The following SPTBN2 variants were observed in gnomAD, a reference collection of about 807,000 sequenced individuals.
SPTBN2 encodes the protein spectrin beta chain, non-erythrocytic 2.
SPTBN2 carries 107 observed loss-of-function variants against 284.2 expected under a neutral mutation model. The observed-to-expected ratio is 0.38, with a 90% confidence interval of 0.32 to 0.44. The LOEUF is 0.44. SPTBN2 is among the 20% of genes least tolerant of loss of function. The pLI is 1.00. For missense variants in SPTBN2, 2,569 were observed against 3,287.1 expected (o/e 0.78, Z 5.34); for synonymous variants, 1,289 against 1,354.8 (o/e 0.95, Z 1.07).
intron 20 of SPTBN2, among the ~76,000 whole-genome samples, chr11:66,697,095 C>T (rs1373051909): frequency 2.0e-5 from 3 of 152,148 alleles, no homozygotes; most frequent in African/African-American, 7.2e-5. Context: ...TGGATAAACA[C>T]ACAGCATCCT....
Position 66,696,259 on chromosome 11 carries a change from C to T in SPTBN2, c.4278+18G>A. 1 of 1,609,020 alleles carries T rather than the reference C, an allele frequency of 6.2e-7. No individual in the cohort carries two copies. Among genetic ancestry groups the T allele is most frequent in the Non-Finnish European group, 8.5e-7 (1 of 1,179,940 alleles). On this transcript the variant is annotated intron_variant, in intron 21 of 37. Transcript: ENST00000533211. Reference sequence around the variant, plus strand: ...TTCTTCTGCTGTTCACCATCCCCATCAAAGGCCCACAGCACACCTGCTGCT... The same window carrying T: ...TTCTTCTGCTGTTCACCATCCCCATTAAAGGCCCACAGCACACCTGCTGCT...
intron 37 of SPTBN2, 114 bp downstream of exon 37, chr11:66,686,284 C>G (rs867921676): frequency 4.7e-6 from 7 of 1,502,710 alleles, no homozygotes; most frequent in Non-Finnish European, 6.5e-6. Context: ...CACATCCAGT[C>G]TTACCACAAA....
At position 66,708,734 on chromosome 11, in the gene SPTBN2, C is replaced by A. The variant is rs1227706652; in HGVS notation, c.1191+168G>T. Among the ~76,000 whole-genome samples, 2 of 152,114 alleles carry A rather than the reference C, an allele frequency of 1.3e-5. No individual in the cohort carries two copies. The highest frequency in any genetic ancestry group is 1.3e-4 in the Admixed American group (2 of 15,272). ...CGTGTGCCTGAGAGGATGGGAGAAT[C>A]ACATCTGGCACAGTGTGGGCAGCTG... is the stretch of plus-strand genomic sequence containing the variant. On this transcript the variant is annotated intron_variant, in intron 11 of 37. Transcript: ENST00000533211. The surrounding 1 kb of genome is among the most constrained non-coding windows in gnomAD (Gnocchi z 4.4).
intron 1 of SPTBN2, among the ~76,000 whole-genome samples, chr11:66,738,109 G>T (rs536278630): frequency 6.6e-6 from 1 of 152,154 alleles, no homozygotes; most frequent in Non-Finnish European, 1.5e-5. Flanking sequence ...CAGCTACTCA[G>T]GAGGCTGAGG....
chr11:66,700,796 C>T lies in SPTBN2; in HGVS notation c.3303G>A (p.Glu1101=), dbSNP rs780437079. The change falls in exon 17 of 38, where the codon GAG becomes GAA. Residue 1101 remains glutamate (E), a synonymous_variant. Coordinates refer to ENST00000533211, the MANE Select transcript of SPTBN2 (RefSeq NM_006946.4). This position sits in a 1 kb window ranked among gnomAD's most constrained non-coding sequence, Gnocchi z 6.6. ...EEGPATLPEA[E]ALLAQHAALR... ...GGGCTGCATGTTGGGCCAGGAGGGC[C>T]TCTGCCTCAGGCAGGGTGGCCGGCC... 1 of 1,601,294 alleles carries T rather than the reference C, an allele frequency of 6.2e-7. No homozygotes were observed.
chr11:66,708,124 G>A lies in SPTBN2; in HGVS notation c.1350+17C>T, dbSNP rs201869697. The stretch of plus-strand genomic sequence containing the variant: ...AGTTCTGACCAGCCTAAGCATCCTA[G>A]GAGCCTCAAGTCCTACCTGGGACAC... On this transcript the variant is annotated intron_variant, in intron 12 of 37. Transcript: ENST00000533211. The surrounding 1 kb of genome is among the most constrained non-coding windows in gnomAD (Gnocchi z 4.4). The A allele has an allele frequency of 1.6e-4, 261 of 1,613,058 alleles. No homozygotes were observed. The highest frequency in any genetic ancestry group is 2.1e-4 in the Non-Finnish European group (249 of 1,179,846).
At chr11:66,701,866 G>A (rs1941266537) in intron 15 of SPTBN2, 145 bp from the exon 16 acceptor site, 1 of 1,136,398 alleles carries the variant, frequency 8.8e-7, no homozygotes, top group Non-Finnish European at 1.3e-6. Context: ...CTCAGCCTAT[G>A]AGGTTCATAG....
chr11:66,709,380 G>A (rs1941738978), intron 10 of SPTBN2, among the ~76,000 whole-genome samples: 1 of 152,144 alleles, frequency 6.6e-6, no homozygotes, highest in South Asian at 2.1e-4. Flanking sequence ...GTTTCACCAT[G>A]CTGGCCAGGC....
In SPTBN2 at chr11:66,715,432, G is replaced by T; in HGVS notation, c.310-37C>A. The stretch of plus-strand genomic sequence containing the variant: ...CGGGGGCAAAATGGCACGGGACTGT[G>T]GGCTTCCACCTTCTTCCCCAGCCTT... On this transcript the variant is annotated intron_variant, in intron 4 of 37. Coordinates refer to ENST00000533211, the MANE Select transcript of SPTBN2 (RefSeq NM_006946.4). This position sits in a 1 kb window ranked among gnomAD's most constrained non-coding sequence, Gnocchi z 5.3. 1 of 1,588,020 alleles carries T rather than the reference G, an allele frequency of 6.3e-7. No individual in the cohort carries two copies. The highest frequency in any genetic ancestry group is 8.6e-7 in the Non-Finnish European group (1 of 1,164,232).
chr11:66,694,934 C>T lies in SPTBN2; in HGVS notation c.4279-571G>A, dbSNP rs538927254. Among the ~76,000 whole-genome samples the T allele has an allele frequency of 7.2e-5, 11 of 152,324 alleles. No individual in the cohort carries two copies. In the East Asian group the frequency reaches 1.2e-3, roughly 16 times the overall value. On this transcript the variant is annotated intron_variant, in intron 21 of 37. Transcript: ENST00000533211. ...TCCTACAGCAAAACTGTCCACAGTGCGCAAGAGATCCGGTGGCTCTTACTC... is the reference window on the plus strand; with the variant it reads ...TCCTACAGCAAAACTGTCCACAGTGTGCAAGAGATCCGGTGGCTCTTACTC...
chr11:66,686,216 G>T, intron 37 of SPTBN2, 112 bp from the exon 38 acceptor site: 1 of 1,389,764 alleles, frequency 7.2e-7, no homozygotes, highest in Non-Finnish European at 1.0e-6. Flanking sequence ...ACTGTTTCAT[G>T]CTATTAGGAG....
chr11:66,710,622 G>A lies in SPTBN2; in HGVS notation c.1033C>T (p.Gln345Ter). 1 of 1,614,094 alleles carries A rather than the reference G, an allele frequency of 6.2e-7. No homozygotes were observed. The highest frequency in any genetic ancestry group is 8.5e-7 in the Non-Finnish European group (1 of 1,179,996). Reference protein sequence around the residue: ...NSLSGVQNQLQSFNSYRTVEK... With the variant: ...NSLSGVQNQL ...ACGGTGCGGTAGGAGTTGAAGGACT[G>A]CAGCTGGTTCTGGACCCCGCTAAGG... The change falls in exon 10 of 38, where the codon CAG becomes TAG. Residue 345 changes from glutamine to a stop codon, truncating the protein, a stop_gained. Transcript: ENST00000533211. LOFTEE classifies it high-confidence loss of function. The surrounding 1 kb of genome is among the most constrained non-coding windows in gnomAD (Gnocchi z 4.9).
In SPTBN2 at chr11:66,689,816, C is replaced by T. The variant is rs761002092; in HGVS notation, c.5938G>A (p.Ala1980Thr). ...CAGGCCTCACCCACCTCCTCGGCCG[C>T]ATAGTGGCTCCTGGCCAGCAGCTCC... ...GKELLARSHY[A>T]AEEISEKLSQ... Residue 1980 changes from alanine to threonine, a missense_variant, in exon 29 of 38, where the codon GCG (alanine) becomes ACG (threonine). Physicochemically the swap from Ala to Thr is moderately conservative, Grantham distance 58. Transcript: ENST00000533211. 4 of 1,613,736 alleles carry T rather than the reference C, an allele frequency of 2.5e-6. No individual in the cohort carries two copies. The highest frequency in any genetic ancestry group is 1.3e-5 in the African/African-American group (1 of 74,908).
chr11:66,701,673 G>A lies in SPTBN2; in HGVS notation c.2727C>T (p.Thr909=), dbSNP rs373647590. The A allele has an allele frequency of 2.7e-5, 44 of 1,613,928 alleles. No homozygotes were observed. Among genetic ancestry groups the A allele is most frequent in the Admixed American group, 1.8e-4 (11 of 59,990 alleles). ...PEMNTLAAQI[T]AVNDIAEQLL... ...ACTGCTCGGCAATGTCATTCACCGC[G>A]GTGATTTGTGCTGCAAGGGTGTTCA... Residue 909 remains threonine (T), a synonymous_variant, in exon 16 of 38, where the codon ACC becomes ACT. Transcript: ENST00000533211.
intron 1 of SPTBN2, among the ~76,000 whole-genome samples, chr11:66,739,096 C>A (rs1184723763): frequency 1.3e-5 from 2 of 151,884 alleles, no homozygotes; most frequent in East Asian, 1.9e-4. Flanking sequence ...CGTGAGCCAA[C>A]GTGCCGGGCC....
upstream of SPTBN2, among the ~76,000 whole-genome samples, chr11:66,733,948 G>A (rs903809542): frequency 2.8e-5 from 4 of 142,242 alleles, no homozygotes; most frequent in African/African-American, 8.0e-5. Flanking sequence ...ACTGCAGTCC[G>A]CAGTCTGGCC....
At position 66,700,734 on chromosome 11, in the gene SPTBN2, C is replaced by G; in HGVS notation, c.3365G>C (p.Ser1122Thr). Residue 1122 changes from serine (S) to threonine (T), a missense_variant, in exon 17 of 38, where the codon AGC becomes ACC. Transcript: ENST00000533211. This position sits in a 1 kb window ranked among gnomAD's most constrained non-coding sequence, Gnocchi z 6.6. ...CTCCTCGCCCAGGGCTCGCAGCCGGCTATACTCGCTCTGGGCCCGCTCCAC... is the reference window on the plus strand; with the variant it reads ...CTCCTCGCCCAGGGCTCGCAGCCGGGTATACTCGCTCTGGGCCCGCTCCAC... ...GEVERAQSEY[S>T]RLRALGEEVT... 1 of 1,603,306 alleles carries G rather than the reference C, an allele frequency of 6.2e-7. No homozygotes were observed. The highest frequency in any genetic ancestry group is 8.5e-7 in the Non-Finnish European group (1 of 1,179,794).
intron 1 of SPTBN2, chr11:66,728,268 GGGCGCAC>G: frequency 6.9e-6 from 1 of 145,712 alleles, no homozygotes; most frequent in African/African-American, 2.5e-5. Flanking sequence ...GGCAGCGGCC[GGGCGCAC>G]GGCGGGCGGC....
chr11:66,699,647 C>G, intron 17 of SPTBN2, 39 bp from the exon 18 acceptor site: 1 of 1,608,976 alleles, frequency 6.2e-7, no homozygotes, highest in Non-Finnish European at 8.5e-7. Flanking sequence ...TTTTCCCCAG[C>G]ACAATTCACC....
Sources: gnomAD v4.1 joint callset for allele counts (sites outside exome capture counted in the v4.1 genomes callset) on GRCh38, gnomAD v4.1.1 for gene constraint, Gnocchi (gnomAD v3.1) non-coding constraint, MANE v1.5 for transcripts, NCBI Gene and HGNC (gene_info 2026-07-23, HGNC 2026-07-21) for gene names.